The following VPS13D variants were observed in gnomAD, a reference collection of about 807,000 sequenced individuals.
VPS13D encodes vacuolar protein sorting 13 homolog D.
Under a neutral mutation model 461.9 loss-of-function variants are expected in VPS13D, and 187 were observed. The ratio of observed to expected loss-of-function variants is 0.40; its 90% CI spans 0.36 to 0.46. The LOEUF (loss-of-function observed/expected upper bound fraction) is 0.46, where lower values mean the gene tolerates loss of function less well. Among genes scored for constraint, VPS13D ranks in the 20% least tolerant of loss-of-function variants. VPS13D has a pLI of 0.60. For missense variants in VPS13D, 4,711 were observed against 5,364.9 expected, an observed-to-expected ratio of 0.88 and a Z score of 3.81; for synonymous variants, 1,951 against 1,986.3, an observed-to-expected ratio of 0.98 and a Z score of 0.47.
In VPS13D at chr1:12,333,295, ATCC is replaced by A. The variant is rs752165428; in HGVS notation, c.8363_8365del (p.Pro2788del). 8 of 1,614,160 alleles carry A rather than the reference ATCC, an allele frequency of 5.0e-6. No individual in the cohort carries two copies. The East Asian group carries it at 1.8e-4, about 36-fold the overall frequency. The stretch of plus-strand genomic sequence containing the variant: ...CAACAGCAGGCAGCTAGTCGTCTCC[ATCC>A]TCCTCGACTGAAGCTAGAAGCCAAG... On this transcript the variant is annotated inframe_deletion, in exon 38 of 70. Transcript: ENST00000620676.
chr1:12,416,401 A>G (rs972144039), intron 64 of VPS13D, among the ~76,000 whole-genome samples: 4 of 152,228 alleles, frequency 2.6e-5, no homozygotes, highest in South Asian at 2.1e-4. Flanking sequence ...TTCCTGTTTC[A>G]TAGCTATTTT....
chr1:12,285,995 C>CCTTTCCTTTCCTTTCCTTTCCTT (rs1487076817), intron 21 of VPS13D, among the ~76,000 whole-genome samples: 1 of 108,424 alleles, frequency 9.2e-6, no homozygotes, highest in African/African-American at 4.3e-5. Flanking sequence ...TTCCTTTCCT[C>CCTTTCCTTTCCTTTCCTTTCCTT]TCCTCTCCTC....
rs1242998055 is a variant in VPS13D at position 12,368,532 on chromosome 1, A to T, written c.10513A>T (p.Ile3505Phe). The T allele has an allele frequency of 6.2e-7, 1 of 1,613,860 alleles. No homozygotes were observed. Among genetic ancestry groups the T allele is most frequent in the East Asian group, 2.2e-5 (1 of 44,884 alleles). Residue 3505 changes from isoleucine to phenylalanine, a missense_variant, in exon 53 of 70, where the codon ATC becomes TTC. Ile to Phe is a conservative substitution (Grantham distance 21). This residue lies in a region of VPS13D where 4,411 missense variants were observed against 4,937.8 expected (regional missense o/e 0.89). Coordinates refer to ENST00000620676, the MANE Select transcript of VPS13D (RefSeq NM_015378.4). The stretch of plus-strand genomic sequence containing the variant: ...TACTCTCCGAGGAGCTACGTATAGG[A>T]TCTCATTTAGTGACACAGATCAGTT... ...EITLRGATYRISFSDTDQLPP... is the reference protein window; with the variant it reads ...EITLRGATYRFSFSDTDQLPP...
chr1:12,479,485 C>T (rs528076904), intron 67 of VPS13D, among the ~76,000 whole-genome samples: 6 of 152,222 alleles, frequency 3.9e-5, no homozygotes, highest in Non-Finnish European at 8.8e-5. Context: ...TGCATGGTAT[C>T]GCTGTCATTA....
chr1:12,300,014 T>C (rs1056314812), intron 25 of VPS13D, among the ~76,000 whole-genome samples: 2 of 151,732 alleles, frequency 1.3e-5, no homozygotes, highest in African/African-American at 4.8e-5. Flanking sequence ...TTCCGACCCA[T>C]TCCCCCCAAC....
intron 65 of VPS13D, among the ~76,000 whole-genome samples, 162 bp from the exon 66 acceptor site, chr1:12,455,836 T>A (rs1430275891): frequency 4.6e-5 from 7 of 152,132 alleles, no homozygotes; most frequent in Non-Finnish European, 8.8e-5. Context: ...GGAGAATCAC[T>A]TGAGCCTGGG....
chr1:12,338,169 C>A, intron 39 of VPS13D, 62 bp from the exon 40 acceptor site: 2 of 1,431,520 alleles, frequency 1.4e-6, no homozygotes, highest in Non-Finnish European at 2.0e-6. Context: ...CGTTTGGAAG[C>A]AAGTCTTCTT....
At chr1:12,493,356 G>A (rs559902700) in intron 67 of VPS13D, among the ~76,000 whole-genome samples, 28 of 151,874 alleles carry the variant, frequency 1.8e-4, no homozygotes, top group African/African-American at 4.3e-4. Flanking sequence ...GGTGGCGGGC[G>A]CCTCTAATCC....
intron 52 of VPS13D, among the ~76,000 whole-genome samples, chr1:12,366,503 A>C (rs1232273851): frequency 6.6e-6 from 1 of 152,146 alleles, no homozygotes; most frequent in Non-Finnish European, 1.5e-5. Context: ...GGGAAAAGGG[A>C]TTCTATAGCG....
In VPS13D at chr1:12,355,831, A is replaced by C. The variant is rs115732177; in HGVS notation, c.9680-68A>C. The stretch of plus-strand genomic sequence containing the variant: ...GGTTTTTCCAAAAGGAATCCAATTT[A>C]CTTTTGCTGTGAGCTATTTTGACAA... On this transcript the variant is annotated intron_variant, in intron 47 of 69. Transcript: ENST00000620676. 1,359 of 1,414,850 alleles carry C rather than the reference A, an allele frequency of 9.6e-4. 12 individuals carry two copies. The African/African-American group carries it at 0.018, about 18-fold the overall frequency. The allele number at this position is 1,414,850 out of a possible 1,614,324, so 87.6% of individuals were successfully genotyped here. A position where few individuals can be genotyped will look rare whatever the true frequency, so the allele number is the denominator to read the frequency against.
At chr1:12,347,089 ATTTC>A (rs1459832679) in intron 44 of VPS13D, among the ~76,000 whole-genome samples, 1 of 152,158 alleles carries the variant, frequency 6.6e-6, no homozygotes, top group African/African-American at 2.4e-5. Context: ...TTTATTTATA[ATTTC>A]TTCTCCCTGA....
At chr1:12,240,369 T>C (rs1252351447) in intron 2 of VPS13D, among the ~76,000 whole-genome samples, 1 of 151,812 alleles carries the variant, frequency 6.6e-6, no homozygotes, top group Non-Finnish European at 1.5e-5. Context: ...CCAAGGTGGG[T>C]GGATCACTTG....
At chr1:12,232,637 CTTTTTTTTTTTT>C (rs772757546) in intron 1 of VPS13D, among the ~76,000 whole-genome samples, 15 of 71,026 alleles carry the variant, frequency 2.1e-4, no homozygotes, top group Admixed American at 1.7e-3. Context: ...TAAAATTAGT[CTTTTTTTTTTTT>C]TTTTTTTTTT....
At chr1:12,408,078 G>A (rs1644678665) in intron 63 of VPS13D, among the ~76,000 whole-genome samples, 1 of 152,174 alleles carries the variant, frequency 6.6e-6, no homozygotes, top group Non-Finnish European at 1.5e-5. Flanking sequence ...ACAGTGAAAT[G>A]AGGAAAATAA....
At chr1:12,369,844 A>G (rs745922485) in intron 54 of VPS13D, 142 bp downstream of exon 54, 6 of 752,434 alleles carry the variant, frequency 8.0e-6, no homozygotes, top group South Asian at 1.9e-5. Context: ...CTCAGTGTCT[A>G]TCTTAAGAGG....
In VPS13D at chr1:12,502,788, G is replaced by C. The variant is rs939218443; in HGVS notation, c.12795-4065G>C. ...TCTCTCTCCAATCTGCTGATGAGAGGATGTGTGGGGAAAGGAGGGGTCATC... is the reference window on the plus strand; with the variant it reads ...TCTCTCTCCAATCTGCTGATGAGAGCATGTGTGGGGAAAGGAGGGGTCATC... On this transcript the variant is annotated intron_variant, in intron 68 of 69. Coordinates refer to ENST00000620676, the MANE Select transcript of VPS13D (RefSeq NM_015378.4). The surrounding 1 kb of genome is among the most constrained non-coding windows in gnomAD (Gnocchi z 4.3). Among the ~76,000 whole-genome samples, 1 of 152,116 alleles carries C rather than the reference G, an allele frequency of 6.6e-6. No individual in the cohort carries two copies. The highest frequency in any genetic ancestry group is 1.5e-5 in the Non-Finnish European group (1 of 68,020).
chr1:12,248,498 A>G (rs923292615), intron 5 of VPS13D, among the ~76,000 whole-genome samples: 1 of 152,074 alleles, frequency 6.6e-6, no homozygotes, highest in Non-Finnish European at 1.5e-5. Context: ...TCGTGCCACC[A>G]TACCTGGCTA....
chr1:12,331,052 T>C (rs1182113773), intron 37 of VPS13D, among the ~76,000 whole-genome samples: 1 of 152,236 alleles, frequency 6.6e-6, no homozygotes, highest in Non-Finnish European at 1.5e-5. Flanking sequence ...CTCAATAATA[T>C]CGCAAGCATT....
At chr1:12,388,165 T>C (rs1450897069) in intron 60 of VPS13D, among the ~76,000 whole-genome samples, 1 of 152,244 alleles carries the variant, frequency 6.6e-6, no homozygotes, top group African/African-American at 2.4e-5. Context: ...TGTAATCTTA[T>C]ACATGATGTG....
Sources: allele counts gnomAD v4.1 joint callset (sites outside exome capture counted in the v4.1 genomes callset), GRCh38; gene constraint gnomAD v4.1.1; regional missense constraint gnomAD v4.1.1; non-coding constraint Gnocchi (gnomAD v3.1); transcripts MANE v1.5; gene names NCBI Gene and HGNC (gene_info 2026-07-23, HGNC 2026-07-21).